The following MUC4 variants were observed in gnomAD, a reference collection of about 807,000 sequenced individuals.
The protein encoded by MUC4 is mucin 4, cell surface associated.
Under a neutral mutation model 257.9 loss-of-function variants are expected in MUC4, and 202 were observed. The ratio of observed to expected loss-of-function variants is 0.78; its 90% CI spans 0.70 to 0.88. The LOEUF (loss-of-function observed/expected upper bound fraction) is 0.88, where lower values mean the gene tolerates loss of function less well. MUC4 is among the 40% of genes least tolerant of loss of function. The probability of loss-of-function intolerance (pLI) is 0.00; values close to 1 mark genes in which losing one functional copy is unlikely to be tolerated. For synonymous variants in MUC4, 2,351 were observed against 2,757.1 expected (o/e 0.85, Z 4.62); for missense variants, 5,976 against 6,513.7 (o/e 0.92, Z 2.84).
At chr3:195,795,718 A>G (rs1481638102) in intron 1 of MUC4, among the ~76,000 whole-genome samples, 1 of 152,086 alleles carries the variant, frequency 6.6e-6, no homozygotes, top group Non-Finnish European at 1.5e-5. Context: ...AAGAAAAAGG[A>G]AGCAGAATGA....
rs2246980 is a variant in MUC4, at chr3:195,762,196, C to G, written c.14403G>C (p.Ser4801=). The change falls in exon 14 of 25, where the codon TCG becomes TCC. Residue 4801 remains serine (S), a synonymous_variant. Transcript: ENST00000463781. Reference sequence around the variant, plus strand: ...CGGTGGCCCAGCCGTCGAAGCTGGCCGAGACCTCAGAGCCGTTGCGGCTCA... The same window carrying G: ...CGGTGGCCCAGCCGTCGAAGCTGGCGGAGACCTCAGAGCCGTTGCGGCTCA... ...VLLSRNGSEV[S]ASFDGWATVS... The G allele has an allele frequency of 0.45, 718,801 of 1,598,892 alleles. 167,719 individuals carry two copies. The highest frequency in any genetic ancestry group is 0.73 in the East Asian group (32,243 of 44,020).
intron 4 of MUC4, 60 bp from the exon 5 acceptor site, chr3:195,771,876 C>T: frequency 6.4e-7 from 1 of 1,574,300 alleles, no homozygotes; most frequent in Non-Finnish European, 8.7e-7. Flanking sequence ...AAAGTCCCAG[C>T]CTTGGTCCAG....
chr3:195,755,249 G>T lies in MUC4; in HGVS notation c.15169-877C>A, dbSNP rs118079471. On this transcript the variant is annotated intron_variant, in intron 18 of 24. Coordinates refer to ENST00000463781, the MANE Select transcript of MUC4 (RefSeq NM_018406.7). This position sits in a 1 kb window ranked among gnomAD's most constrained non-coding sequence, Gnocchi z 5.0. ...CTCGTTCTGTTTCCCACGCTGCAGTGCAGTGTCTCGATCTCGGCTCACTGC... is the reference window on the plus strand; with the variant it reads ...CTCGTTCTGTTTCCCACGCTGCAGTTCAGTGTCTCGATCTCGGCTCACTGC... 6.6e-6 allele frequency among the ~76,000 whole-genome samples: 1 copy of T among 151,474 alleles called. No individual in the cohort carries two copies. Among genetic ancestry groups the T allele is most frequent in the African/African-American group, 2.4e-5 (1 of 41,124 alleles).
Position 195,757,336 on chromosome 3 carries a change from G to A in MUC4, c.14987-8C>T, listed in dbSNP as rs574035882. On this transcript the variant is annotated splice_region_variant and splice_polypyrimidine_tract_variant and intron_variant, in intron 17 of 24. Transcript: ENST00000463781. This position sits in a 1 kb window ranked among gnomAD's most constrained non-coding sequence, Gnocchi z 4.8. ...ACAGCAACGTCCCATTCTCTGCCCC[G>A]GGGAAGATGAGAATGTTGAGAGCTG... The A allele has an allele frequency of 8.6e-5, 137 of 1,584,488 alleles. No homozygotes were observed. Among genetic ancestry groups the A allele is most frequent in the South Asian group, 2.3e-4 (21 of 89,420 alleles).
intron 18 of MUC4, among the ~76,000 whole-genome samples, chr3:195,754,853 C>A (rs1374790939): frequency 2.7e-5 from 4 of 150,436 alleles, no homozygotes; most frequent in African/African-American, 9.8e-5. Context: ...ATGTATGTAT[C>A]CATGTAGATA....
rs750930943 is a variant in MUC4 at position 195,754,197 on chromosome 3, C to G, written c.15328+16G>C. ...GCTCCCAGAAGCGCCTGCTCCAGGCCCTGTTCCCGGCTCACCCGCACAGTG... is the reference window on the plus strand; with the variant it reads ...GCTCCCAGAAGCGCCTGCTCCAGGCGCTGTTCCCGGCTCACCCGCACAGTG... On this transcript the variant is annotated intron_variant, in intron 19 of 24. Coordinates refer to ENST00000463781, the MANE Select transcript of MUC4 (RefSeq NM_018406.7). The G allele has an allele frequency of 6.2e-7, 1 of 1,604,294 alleles. No individual in the cohort carries two copies. The highest frequency in any genetic ancestry group is 1.1e-5 in the South Asian group (1 of 89,978).
chr3:195,748,200 A>G (rs1715520969), intron 24 of MUC4, among the ~76,000 whole-genome samples: 1 of 152,298 alleles, frequency 6.6e-6, no homozygotes, highest in Non-Finnish European at 1.5e-5. Flanking sequence ...GGACTGGCCT[A>G]GACACAGGAC....
chr3:195,767,463 TA>T (rs1720834812), intron 7 of MUC4, among the ~76,000 whole-genome samples: 8 of 37,344 alleles, frequency 2.1e-4, no homozygotes, highest in Admixed American at 4.9e-4. Context: ...CCACCAACAC[TA>T]CCACCACCAT....
At chr3:195,753,713 T>C (rs1171037536) in intron 19 of MUC4, 4 of 189,868 alleles carry the variant, frequency 2.1e-5, no homozygotes, top group Non-Finnish European at 4.2e-5. Flanking sequence ...GAGGAACAGA[T>C]GGCTGGGAGG....
chr3:195,788,610 G>C lies in MUC4; in HGVS notation c.2970C>G (p.Thr990=), dbSNP rs771151415. The stretch of plus-strand genomic sequence containing the variant: ...AAGCATCGGTGACATGAAGAGGGGT[G>C]GTGTGACCTGTGGATGCCGAGGAAG... The part of the protein sequence containing the change: ...TYASSASTGH[T]TPLHVTDASS... The change falls in exon 2 of 25, where the codon ACC becomes ACG. Residue 990 remains threonine, a synonymous_variant. Coordinates refer to ENST00000463781, the MANE Select transcript of MUC4 (RefSeq NM_018406.7). 1 of 1,591,242 alleles carries C rather than the reference G, an allele frequency of 6.3e-7. No homozygotes were observed. The highest frequency in any genetic ancestry group is 1.1e-5 in the South Asian group (1 of 87,886).
Position 195,765,047 on chromosome 3 carries a change from G to C in MUC4, c.13874C>G (p.Pro4625Arg). ...CCAGCCTTCACGAAACTCTCCCCAG[G>C]GCCCGTAGCTGCAGCACACGCCTCC... is the stretch of plus-strand genomic sequence containing the variant. Reference protein sequence around the residue: ...WRGGVCCSYGPWGEFREGWHV... With the variant: ...WRGGVCCSYGRWGEFREGWHV... Residue 4625 changes from proline to arginine, a missense_variant, in exon 10 of 25, where the codon CCC (proline) becomes CGC (arginine). By Grantham distance (103) the Pro-to-Arg change is moderately radical (BLOSUM62 -2). Around this residue, in one of 44 missense-constraint regions of MUC4, gnomAD observed 996 missense variants for 1,137.3 expected, o/e 0.88. Coordinates refer to ENST00000463781, the MANE Select transcript of MUC4 (RefSeq NM_018406.7). The C allele has an allele frequency of 1.2e-6, 2 of 1,613,966 alleles. No individual in the cohort carries two copies. The highest frequency in any genetic ancestry group is 1.7e-6 in the Non-Finnish European group (2 of 1,179,992).
chr3:195,761,372 C>G, intron 15 of MUC4, 112 bp downstream of exon 15: 1 of 978,926 alleles, frequency 1.0e-6, no homozygotes, highest in Non-Finnish European at 1.6e-6. Context: ...GCACAGATTC[C>G]TCAGACCTTA....
chr3:195,797,555 C>T (rs1471460502), intron 1 of MUC4, among the ~76,000 whole-genome samples: 1 of 152,152 alleles, frequency 6.6e-6, no homozygotes, highest in Non-Finnish European at 1.5e-5. Flanking sequence ...ACAATAGAAA[C>T]GTTTCTGTAA....
intron 7 of MUC4, among the ~76,000 whole-genome samples, chr3:195,768,292 G>C (rs1326405395): frequency 6.6e-6 from 1 of 152,164 alleles, no homozygotes; most frequent in Non-Finnish European, 1.5e-5. Flanking sequence ...CAATTATCAA[G>C]AACAAAAGAC....
chr3:195,788,765 G>T lies in MUC4; in HGVS notation c.2815C>A (p.Pro939Thr), dbSNP rs373436111. ...TDTFSTVPPT[P>T]PSITSTGLTS... ...AGCCCAGTGGATGTGATCGATGGAG[G>T]TGTGGGTGGGACTGTTGAGAAGGTG... The change falls in exon 2 of 25, where the codon CCT becomes ACT. Residue 939 changes from proline (P) to threonine (T), a missense_variant. By Grantham distance (38) the Pro-to-Thr change is conservative (BLOSUM62 -1). Coordinates refer to ENST00000463781, the MANE Select transcript of MUC4 (RefSeq NM_018406.7). 6.2e-7 allele frequency: 1 copy of T among 1,613,896 alleles called. No individual in the cohort carries two copies. Among genetic ancestry groups the T allele is most frequent in the Non-Finnish European group, 8.5e-7 (1 of 1,179,842 alleles).
In MUC4 at chr3:195,811,759, C is replaced by T. The variant is rs1736780784; in HGVS notation, c.59G>A (p.Cys20Tyr). Residue 20 changes from cysteine to tyrosine, a missense_variant, in exon 1 of 25, where the codon TGC (cysteine) becomes TAC (tyrosine). Physicochemically the swap from Cys to Tyr is radical, Grantham distance 194. Coordinates refer to ENST00000463781, the MANE Select transcript of MUC4 (RefSeq NM_018406.7). The stretch of plus-strand genomic sequence containing the variant: ...ACCTGGGACCACATGCGGAAGGAGG[C>T]AGAGACACAGGCAGCTCAGGGACAC... ...PWVSLSCLCLCLLPHVVPGTT... is the reference protein window; with the variant it reads ...PWVSLSCLCLYLLPHVVPGTT... 6.2e-7 allele frequency: 1 copy of T among 1,614,064 alleles called. No individual in the cohort carries two copies. Among genetic ancestry groups the T allele is most frequent in the Non-Finnish European group, 8.5e-7 (1 of 1,179,992 alleles).
rs1320505756 is a variant in MUC4, at chr3:195,747,231, C to T, written c.16184G>A (p.Gly5395Asp). The T allele has an allele frequency of 1.2e-6, 2 of 1,614,274 alleles. No homozygotes were observed. The highest frequency in any genetic ancestry group is 1.1e-5 in the South Asian group (1 of 91,088). ...VGTFVVLRFW[G>D]CSGARFSYFL... ...ATAGGAGAACCTGGCCCCGGAGCAA[C>T]CCCAGAAGCGCAGGACCACGAACGT... The change falls in exon 25 of 25, where the codon GGT becomes GAT. Residue 5395 changes from glycine to aspartate, a missense_variant. Around this residue, in one of 44 missense-constraint regions of MUC4, gnomAD observed 310 missense variants for 242.1 expected, o/e 1.28. Coordinates refer to ENST00000463781, the MANE Select transcript of MUC4 (RefSeq NM_018406.7).
rs1722315918 is a variant in MUC4 at position 195,769,407 on chromosome 3, GT to G, written c.13399-256del. The G allele has an allele frequency of 8.3e-6, 4 of 482,596 alleles. No homozygotes were observed. The East Asian group carries it at 1.3e-4, about 16-fold the overall frequency. The allele number at this position is 482,596 out of a possible 1,614,324, so 29.9% of individuals were successfully genotyped here. A position where few individuals can be genotyped will look rare whatever the true frequency, so the allele number is the denominator to read the frequency against. On this transcript the variant is annotated intron_variant, in intron 6 of 24. Coordinates refer to ENST00000463781, the MANE Select transcript of MUC4 (RefSeq NM_018406.7). ...TTTCTTCCAGGAGGGGAGATAAAGGGTTCTGGGTTACAATTCAGTTAGATGA... is the reference window on the plus strand; with the variant it reads ...TTTCTTCCAGGAGGGGAGATAAAGGGTCTGGGTTACAATTCAGTTAGATGA...
In MUC4 at chr3:195,780,508, G is replaced by A. The variant is rs967465234; in HGVS notation, c.11072C>T (p.Thr3691Ile). ...GACAGGAAGAGGGGTGGCCTGACCT[G>A]TGGATGCTGAGGAAGTGTCCGTGAC... is the stretch of plus-strand genomic sequence containing the variant. ...LPVTDTSSAS[T>I]GQATPLPVTI... Residue 3691 changes from threonine (T) to isoleucine (I), a missense_variant, in exon 2 of 25, where the codon ACA (threonine) becomes ATA (isoleucine). This residue lies in a region of MUC4 where 330 missense variants were observed against 262.0 expected (regional missense o/e 1.26). Transcript: ENST00000463781. The A allele has an allele frequency of 6.0e-6, 3 of 501,728 alleles. No individual in the cohort carries two copies. The highest frequency in any genetic ancestry group is 3.8e-5 in the South Asian group (1 of 26,354). 31.1% of individuals were successfully genotyped at this position (501,728 alleles called of 1,614,324 possible). A position where few individuals can be genotyped will look rare whatever the true frequency, so the allele number is the denominator to read the frequency against.
Sources: allele counts gnomAD v4.1 joint callset (sites outside exome capture counted in the v4.1 genomes callset), GRCh38; gene constraint gnomAD v4.1.1; regional missense constraint gnomAD v4.1.1; non-coding constraint Gnocchi (gnomAD v3.1); transcripts MANE v1.5; gene names NCBI Gene and HGNC (gene_info 2026-07-23, HGNC 2026-07-21).